Variants in RBFOX1 observed in about 807,000 individuals in gnomAD.
RBFOX1 encodes RNA binding protein fox-1 homolog 1.
A neutral mutation model predicts 57.7 loss-of-function variants in RBFOX1; 8 were observed. The ratio of observed to expected loss-of-function variants is 0.14; its 90% CI spans 0.08 to 0.25. The LOEUF (loss-of-function observed/expected upper bound fraction) is 0.25. RBFOX1 is among the 10% of genes least tolerant of loss of function. RBFOX1 has a pLI of 1.00. For missense variants in RBFOX1, 611 were observed against 548.5 expected (o/e 1.11, Z -1.14); for synonymous variants, 326 against 222.4 (o/e 1.47, Z -4.15).
At chr16:5,298,313 A>G (rs1367248473) in intron 1 of RBFOX1, among the ~76,000 whole-genome samples, 1 of 152,174 alleles carries the variant, frequency 6.6e-6, no homozygotes, top group African/African-American at 2.4e-5. Context: ...GTAACAAGAG[A>G]CTGTATTTAA....
At chr16:7,033,358 A>G (rs1369331891) in intron 3 of RBFOX1, among the ~76,000 whole-genome samples, 1 of 152,170 alleles carries the variant, frequency 6.6e-6, no homozygotes, top group Non-Finnish European at 1.5e-5. Context: ...CGTCTCTACT[A>G]AAAATACAAA....
At chr16:7,328,938 G>A (rs1568232980) in intron 4 of RBFOX1, 2 of 152,134 alleles carry the variant, frequency 1.3e-5, no homozygotes. Flanking sequence ...GGTAAGAATG[G>A]TGTTTGCATT....
At chr16:5,464,030 C>T (rs1002292494) in intron 1 of RBFOX1, among the ~76,000 whole-genome samples, 4 of 152,138 alleles carry the variant, frequency 2.6e-5, no homozygotes, top group Non-Finnish European at 4.4e-5. Context: ...TCAATAGCCC[C>T]GTGATGGACC....
At chr16:5,314,350 C>G (rs1294064482) in intron 1 of RBFOX1, among the ~76,000 whole-genome samples, 1 of 152,170 alleles carries the variant, frequency 6.6e-6, no homozygotes, top group Non-Finnish European at 1.5e-5. Flanking sequence ...GACCCGTGCC[C>G]CATGGCACAG....
intron 3 of RBFOX1, among the ~76,000 whole-genome samples, chr16:5,693,090 G>A (rs938599440): frequency 6.6e-6 from 1 of 152,174 alleles, no homozygotes; most frequent in Non-Finnish European, 1.5e-5. Context: ...TGGTTGCTAT[G>A]GAAGAGAGCT....
At chr16:5,315,643 G>C (rs935488252) in intron 1 of RBFOX1, among the ~76,000 whole-genome samples, 2 of 152,192 alleles carry the variant, frequency 1.3e-5, no homozygotes, top group Non-Finnish European at 2.9e-5. Context: ...TACAGAAAGT[G>C]CGTTTGCAAG....
intron 3 of RBFOX1, among the ~76,000 whole-genome samples, chr16:7,013,652 A>C (rs2093760337): frequency 6.6e-6 from 1 of 152,174 alleles, no homozygotes; most frequent in South Asian, 2.1e-4. Context: ...GCCATTAACA[A>C]ATTATATAAA....
chr16:7,213,975 G>C (rs114247606), intron 4 of RBFOX1, among the ~76,000 whole-genome samples: 15 of 152,070 alleles, frequency 9.9e-5, no homozygotes, highest in African/African-American at 3.4e-4. Context: ...GCAGAGCTCA[G>C]AATTAATTTC....
intron 3 of RBFOX1, among the ~76,000 whole-genome samples, chr16:6,689,268 T>G (rs2059881380): frequency 6.6e-6 from 1 of 152,172 alleles, no homozygotes. Context: ...TTGAATTGTT[T>G]CTTGTTTTCA....
At chr16:7,576,483 T>C (rs975407868) in intron 5 of RBFOX1, among the ~76,000 whole-genome samples, 17 of 152,206 alleles carry the variant, frequency 1.1e-4, no homozygotes, top group Non-Finnish European at 1.3e-4. Flanking sequence ...TGAAACACTT[T>C]TGGCTTACTT....
At chr16:6,734,236 C>T (rs991948157) in intron 3 of RBFOX1, among the ~76,000 whole-genome samples, 2 of 152,168 alleles carry the variant, frequency 1.3e-5, no homozygotes, top group African/African-American at 4.8e-5. Flanking sequence ...CTGTCCAACT[C>T]CCATTGAATA....
chr16:5,243,353 T>C (rs192956760), intron 1 of RBFOX1, among the ~76,000 whole-genome samples: 67 of 152,202 alleles, frequency 4.4e-4, no homozygotes, highest in Non-Finnish European at 8.1e-4. Flanking sequence ...GCATCCAGGG[T>C]TGAAACCAGA....
intron 2 of RBFOX1, among the ~76,000 whole-genome samples, chr16:6,387,936 C>G (rs1031405743): frequency 6.6e-6 from 1 of 150,640 alleles, no homozygotes; most frequent in Non-Finnish European, 1.5e-5. Flanking sequence ...GGTGAGCATG[C>G]GCACCTATCA....
chr16:7,078,979 A>G (rs1036631854), intron 4 of RBFOX1, among the ~76,000 whole-genome samples: 4 of 138,132 alleles, frequency 2.9e-5, no homozygotes, highest in African/African-American at 8.2e-5. Context: ...ACAAGACCCT[A>G]TTTTCAAATG....
In RBFOX1 at chr16:5,564,084, G is replaced by C. The variant is rs539659892; in HGVS notation, c.259-34818G>C. On this transcript the variant is annotated intron_variant, in intron 2 of 2. Coordinates refer to the RBFOX1 transcript ENST00000585867. ...GCTGGAGTGCAGTGGTGCGATCTCA[G>C]CTCACTTCAACCTCCACCTCCCAGG... Among the ~76,000 whole-genome samples, 5 of 152,154 alleles carry C rather than the reference G, an allele frequency of 3.3e-5. No individual in the cohort carries two copies. The South Asian group carries it at 1.0e-3, about 32-fold the overall frequency.
intron 3 of RBFOX1, among the ~76,000 whole-genome samples, chr16:6,850,805 A>G (rs1412813639): frequency 6.6e-6 from 1 of 152,194 alleles, no homozygotes; most frequent in African/African-American, 2.4e-5. Context: ...CACTTTGGAA[A>G]ATCATCTCTC....
At chr16:7,379,533 T>C (rs2097750667) in intron 4 of RBFOX1, among the ~76,000 whole-genome samples, 1 of 152,208 alleles carries the variant, frequency 6.6e-6, no homozygotes, top group African/African-American at 2.4e-5. Flanking sequence ...GGAGTTTTAG[T>C]ACTTTCTGCT....
chr16:5,922,893 A>G (rs1416842170), intron 4 of RBFOX1, among the ~76,000 whole-genome samples: 1 of 152,212 alleles, frequency 6.6e-6, no homozygotes, highest in East Asian at 1.9e-4. Context: ...AGACACCAGC[A>G]CTTTGCCTTT....
At chr16:6,254,952 C>G (rs1012223465) in intron 1 of RBFOX1, among the ~76,000 whole-genome samples, 2 of 151,978 alleles carry the variant, frequency 1.3e-5, no homozygotes, top group African/African-American at 2.4e-5. Flanking sequence ...CTTTATTTCC[C>G]AGATTATTAA....
Sources: allele counts gnomAD v4.1 joint callset (sites outside exome capture counted in the v4.1 genomes callset), GRCh38; gene constraint gnomAD v4.1.1; transcripts MANE v1.5; gene names NCBI Gene and HGNC (gene_info 2026-07-23, HGNC 2026-07-21).